ALG6: variants seen among roughly 807,000 people sequenced by gnomAD.
ALG6 encodes dolichyl pyrophosphate Man9GlcNAc2 alpha-1,3-glucosyltransferase.
In ALG6, 46 loss-of-function variants were observed where a neutral mutation model predicts 66.6. That is an observed-to-expected ratio of 0.69 (90% confidence interval 0.55 to 0.88). The LOEUF is 0.88. Among genes scored for constraint, ALG6 ranks in the 40% least tolerant of loss-of-function variants. The pLI is 0.00. For missense variants in ALG6, 505 were observed against 586.8 expected (o/e 0.86, Z 1.44); for synonymous variants, 185 against 203.7 (o/e 0.91, Z 0.78).
At chr1:63,381,283 T>A (rs1648293571) in intron 2 of ALG6, among the ~76,000 whole-genome samples, 1 of 152,108 alleles carries the variant, frequency 6.6e-6, no homozygotes, top group Non-Finnish European at 1.5e-5. Context: ...TGAAACCCCG[T>A]CTCTACTAAA....
chr1:63,414,104 A>G lies in ALG6; in HGVS notation c.860A>G (p.Lys287Arg). 1.2e-6 allele frequency: 2 copies of G among 1,613,258 alleles called. No homozygotes were observed. The highest frequency in any genetic ancestry group is 1.3e-5 in the African/African-American group (1 of 75,020). ...TGGTGCAGCTTCAATGTCTTTCTGAAGATTAAGGATATTTTGCCACGTCAC... is the reference window on the plus strand; with the variant it reads ...TGGTGCAGCTTCAATGTCTTTCTGAGGATTAAGGATATTTTGCCACGTCAC... ...NIWCSFNVFL[K>R]IKDILPRHIQ... The change falls in exon 10 of 15, where the codon AAG becomes AGG. Residue 287 changes from lysine (K) to arginine (R), a missense_variant. Physicochemically the swap from Lys to Arg is conservative, Grantham distance 26. Transcript: ENST00000263440.
intron 2 of ALG6, among the ~76,000 whole-genome samples, chr1:63,392,615 C>A (rs573824479): frequency 6.6e-6 from 1 of 152,254 alleles, no homozygotes; most frequent in South Asian, 2.1e-4. Flanking sequence ...AATAGTTCAA[C>A]AATTAATAAA....
chr1:63,423,919 A>T (rs532050836), intron 12 of ALG6, among the ~76,000 whole-genome samples: 171 of 152,336 alleles, frequency 1.1e-3, no homozygotes, highest in African/African-American at 3.9e-3. Context: ...TGCACCACTT[A>T]ACATTCCCAC....
At chr1:63,416,554 G>T (rs1644546689) in intron 11 of ALG6, among the ~76,000 whole-genome samples, 1 of 152,120 alleles carries the variant, frequency 6.6e-6, no homozygotes, top group South Asian at 2.1e-4. Flanking sequence ...TATAGTGAAA[G>T]ATAAGGGTAA....
At chr1:63,407,263 G>T in intron 7 of ALG6, 137 bp downstream of exon 7, 1 of 651,142 alleles carries the variant, frequency 1.5e-6, no homozygotes, top group Non-Finnish European at 2.7e-6. Context: ...TAATATAAAA[G>T]AATCTCTTCA....
intron 2 of ALG6, among the ~76,000 whole-genome samples, chr1:63,385,511 T>C (rs2100394130): frequency 6.6e-6 from 1 of 152,284 alleles, no homozygotes; most frequent in South Asian, 2.1e-4. Flanking sequence ...ACGCCCGGCC[T>C]TGAGCCACTG....
At chr1:63,420,883 A>G (rs910795845) in intron 12 of ALG6, among the ~76,000 whole-genome samples, 3 of 151,798 alleles carry the variant, frequency 2.0e-5, no homozygotes, top group Non-Finnish European at 4.4e-5. Flanking sequence ...AAAATTAAAT[A>G]AAAGTTCCTT....
intron 12 of ALG6, among the ~76,000 whole-genome samples, chr1:63,421,940 G>A (rs1247851843): frequency 2.0e-5 from 3 of 149,766 alleles, no homozygotes; most frequent in African/African-American, 7.4e-5. Context: ...GATGGGTGCA[G>A]CAAACCACCA....
At chr1:63,369,717 AT>A (rs1484717657) in intron 1 of ALG6, among the ~76,000 whole-genome samples, 1 of 152,168 alleles carries the variant, frequency 6.6e-6, no homozygotes, top group African/African-American at 2.4e-5. Flanking sequence ...TTTTTAGTTG[AT>A]TTATTATATT....
intron 11 of ALG6, among the ~76,000 whole-genome samples, chr1:63,416,962 T>C (rs914182688): frequency 1.3e-5 from 2 of 152,206 alleles, no homozygotes; most frequent in African/African-American, 4.8e-5. Context: ...GTACGTTGGA[T>C]AAAAACAAGC....
chr1:63,422,351 A>C (rs1165804986), intron 12 of ALG6, among the ~76,000 whole-genome samples: 1 of 100,692 alleles, frequency 9.9e-6, no homozygotes, highest in African/African-American at 5.1e-5. Flanking sequence ...ATAAATATAT[A>C]TCTATATAAA....
chr1:63,411,753 G>C (rs1424629541), intron 8 of ALG6, among the ~76,000 whole-genome samples, 173 bp from the exon 9 acceptor site: 1 of 152,192 alleles, frequency 6.6e-6, no homozygotes, highest in African/African-American at 2.4e-5. Context: ...CGTCTTAGCT[G>C]TTGTGAATTT....
At chr1:63,425,037 C>G (rs1432727635) in intron 12 of ALG6, among the ~76,000 whole-genome samples, 4 of 152,100 alleles carry the variant, frequency 2.6e-5, no homozygotes, top group Non-Finnish European at 5.9e-5. Context: ...GCCTTGGCCT[C>G]CCAAAGTGCT....
At chr1:63,420,548 G>T (rs977700557) in intron 12 of ALG6, among the ~76,000 whole-genome samples, 3 of 152,052 alleles carry the variant, frequency 2.0e-5, no homozygotes, top group Non-Finnish European at 4.4e-5. Context: ...TTGGTAAATG[G>T]TTTTACAGTT....
intron 10 of ALG6, among the ~76,000 whole-genome samples, chr1:63,414,990 A>G (rs980375462): frequency 6.6e-5 from 10 of 152,190 alleles, no homozygotes; most frequent in Admixed American, 6.5e-4. Flanking sequence ...ATCCCTTTTG[A>G]TTAATTTAAA....
At chr1:63,381,916 T>C (rs529216139) in intron 2 of ALG6, among the ~76,000 whole-genome samples, 42 of 152,238 alleles carry the variant, frequency 2.8e-4, no homozygotes, top group Middle Eastern at 3.4e-3. Context: ...CAAGCTGCAG[T>C]AGAGTGACTA....
intron 12 of ALG6, among the ~76,000 whole-genome samples, chr1:63,426,973 C>T (rs1442408806): frequency 1.3e-5 from 2 of 152,062 alleles, no homozygotes; most frequent in Admixed American, 6.6e-5. Context: ...AATATGCGTC[C>T]ATTCTCAAGC....
intron 11 of ALG6, among the ~76,000 whole-genome samples, chr1:63,417,009 C>T (rs1423682022): frequency 2.0e-5 from 3 of 152,248 alleles, no homozygotes; most frequent in Admixed American, 1.3e-4. Context: ...TTCAAAAGTG[C>T]ATCTCATTAC....
chr1:63,386,774 G>C (rs1648516709), intron 2 of ALG6, among the ~76,000 whole-genome samples: 1 of 151,636 alleles, frequency 6.6e-6, no homozygotes, highest in African/African-American at 2.4e-5. Flanking sequence ...TTGTTTTGTT[G>C]ATCTTTCAAC....
Sources: gnomAD v4.1 joint callset for allele counts (sites outside exome capture counted in the v4.1 genomes callset) on GRCh38, gnomAD v4.1.1 for gene constraint, MANE v1.5 for transcripts, NCBI Gene and HGNC (gene_info 2026-07-23, HGNC 2026-07-21) for gene names.